FHIT: variants seen among roughly 807,000 people sequenced by gnomAD.
FHIT encodes fragile histidine triad diadenosine triphosphatase, also known as bis(5'-adenosyl)-triphosphatase.
Under a neutral mutation model 17.9 loss-of-function variants are expected in FHIT, and 19 were observed. The ratio of observed to expected loss-of-function variants is 1.06; its 90% CI spans 0.74 to 1.56. FHIT has a LOEUF of 1.56. Among genes scored for constraint, FHIT ranks in the 40% most tolerant of loss-of-function variants. The probability of loss-of-function intolerance (pLI) is 0.00; values close to 1 mark genes in which losing one functional copy is unlikely to be tolerated. For missense variants in FHIT, 248 were observed against 189.2 expected, an observed-to-expected ratio of 1.31 and a Z score of -1.82; for synonymous variants, 81 against 69.7, an observed-to-expected ratio of 1.16 and a Z score of -0.81.
intron 8 of FHIT, among the ~76,000 whole-genome samples, chr3:59,873,871 G>A (rs80320253): frequency 0.016 from 2,463 of 152,234 alleles, 28 homozygotes; most frequent in South Asian, 0.021. Context: ...TTGGTTCCCT[G>A]CTTAAATCTC....
chr3:60,713,225 C>A (rs2041587872), intron 4 of FHIT, among the ~76,000 whole-genome samples: 1 of 150,592 alleles, frequency 6.6e-6, no homozygotes, highest in Admixed American at 6.6e-5. Context: ...TTCTTTGAAA[C>A]CAACGAGAAC....
chr3:60,044,439 A>G (rs576819811), intron 5 of FHIT, among the ~76,000 whole-genome samples: 2 of 152,288 alleles, frequency 1.3e-5, no homozygotes, highest in African/African-American at 4.8e-5. Flanking sequence ...TGCCCAGGGT[A>G]AGCCTTCCTC....
intron 8 of FHIT, among the ~76,000 whole-genome samples, chr3:59,881,507 T>A (rs1703409479): frequency 6.6e-6 from 1 of 152,126 alleles, no homozygotes; most frequent in South Asian, 2.1e-4. Context: ...CCCTGTTAGA[T>A]TCTAATAGAA....
intron 5 of FHIT, among the ~76,000 whole-genome samples, chr3:60,446,540 C>T (rs2031344188): frequency 6.6e-6 from 1 of 152,060 alleles, no homozygotes; most frequent in African/African-American, 2.4e-5. Context: ...TGCAACTCTA[C>T]TTATTTTAAC....
chr3:60,960,048 A>G (rs1287018147), intron 3 of FHIT, among the ~76,000 whole-genome samples: 11 of 151,172 alleles, frequency 7.3e-5, no homozygotes, highest in African/African-American at 2.2e-4. Context: ...TCTCTGAATG[A>G]TAAGTTTTGG....
intron 4 of FHIT, among the ~76,000 whole-genome samples, chr3:60,756,778 C>T (rs1699437492): frequency 6.6e-6 from 1 of 152,188 alleles, no homozygotes; most frequent in South Asian, 2.1e-4. Flanking sequence ...AGCTGAATAA[C>T]TTGTCACAGT....
intron 3 of FHIT, among the ~76,000 whole-genome samples, chr3:60,898,501 T>G (rs1705942557): frequency 6.6e-6 from 1 of 152,210 alleles, no homozygotes; most frequent in African/African-American, 2.4e-5. Context: ...AGTGTTATCT[T>G]TCTCTGTAAT....
chr3:61,024,809 T>G (rs1028790100), intron 3 of FHIT, among the ~76,000 whole-genome samples: 1 of 152,124 alleles, frequency 6.6e-6, no homozygotes, highest in African/African-American at 2.4e-5. Context: ...ATGCTAAACA[T>G]TGCTTCTGTT....
chr3:59,856,407 T>G (rs999803962), intron 8 of FHIT, among the ~76,000 whole-genome samples: 2 of 152,212 alleles, frequency 1.3e-5, no homozygotes, highest in Admixed American at 6.5e-5. Flanking sequence ...TCCAATTTTA[T>G]GCAAACTCTT....
At chr3:60,019,409 A>G (rs1700466907) in intron 5 of FHIT, among the ~76,000 whole-genome samples, 1 of 118,822 alleles carries the variant, frequency 8.4e-6, no homozygotes, top group Admixed American at 8.8e-5. Context: ...TAGAGTTGAG[A>G]TGCTCCTTTT....
At chr3:60,512,083 C>A (rs898377870) in intron 5 of FHIT, among the ~76,000 whole-genome samples, 2 of 152,064 alleles carry the variant, frequency 1.3e-5, no homozygotes, top group East Asian at 1.9e-4. Context: ...TCTTATATAT[C>A]CCATATTATA....
intron 7 of FHIT, among the ~76,000 whole-genome samples, chr3:59,983,188 C>T (rs780735832): frequency 8.5e-5 from 13 of 152,070 alleles, no homozygotes; most frequent in African/African-American, 9.7e-5. Context: ...GTCGGCCCAC[C>T]TCAGTCTCCC....
chr3:60,093,198 G>A (rs1169229194), intron 5 of FHIT, among the ~76,000 whole-genome samples: 2 of 152,146 alleles, frequency 1.3e-5, no homozygotes, highest in African/African-American at 4.8e-5. Flanking sequence ...CCTTGAGCCT[G>A]ACGCAGGTCT....
intron 3 of FHIT, among the ~76,000 whole-genome samples, chr3:61,000,720 C>T (rs1020553350): frequency 5.3e-5 from 8 of 152,096 alleles, no homozygotes; most frequent in Non-Finnish European, 1.2e-4. Flanking sequence ...CTTTTTATTT[C>T]CAATATACCC....
At chr3:59,939,842 G>C (rs74645205) in intron 7 of FHIT, among the ~76,000 whole-genome samples, 204 of 152,292 alleles carry the variant, frequency 1.3e-3, no homozygotes, top group African/African-American at 4.6e-3. Context: ...GGTAGGGAGT[G>C]TCACAGGTAA....
intron 5 of FHIT, among the ~76,000 whole-genome samples, chr3:60,100,155 G>T (rs928830568): frequency 2.0e-5 from 3 of 152,100 alleles, no homozygotes; most frequent in Admixed American, 1.3e-4. Flanking sequence ...AAGTTGTTTG[G>T]ATCACCTGAG....
chr3:60,546,844 T>C (rs1443463883), intron 4 of FHIT, among the ~76,000 whole-genome samples: 1 of 152,088 alleles, frequency 6.6e-6, no homozygotes, highest in Non-Finnish European at 1.5e-5. Flanking sequence ...TGCCACATGA[T>C]GTAGGTACCC....
chr3:60,497,427 A>T (rs560868494), intron 5 of FHIT, among the ~76,000 whole-genome samples: 33 of 152,354 alleles, frequency 2.2e-4, no homozygotes, highest in African/African-American at 7.7e-4. Context: ...AATCAGTTCA[A>T]AAATATAAAA....
intron 3 of FHIT, among the ~76,000 whole-genome samples, chr3:60,907,686 G>T (rs1706509273): frequency 6.6e-6 from 1 of 151,998 alleles, no homozygotes; most frequent in South Asian, 2.1e-4. Context: ...TAATAAATGA[G>T]AGAAAAAAAG....
Sources: gnomAD v4.1 joint callset for allele counts (sites outside exome capture counted in the v4.1 genomes callset) on GRCh38, gnomAD v4.1.1 for gene constraint, MANE v1.5 for transcripts, NCBI Gene and HGNC (gene_info 2026-07-23, HGNC 2026-07-21) for gene names.